Variants in RAB22A observed in about 807,000 individuals in gnomAD.
RAB22A encodes the protein ras-related protein Rab-22A.
In RAB22A, 13 loss-of-function variants were observed where a neutral mutation model predicts 30.2. The observed-to-expected ratio is 0.43, with a 90% CI of 0.28 to 0.68. The LOEUF (loss-of-function observed/expected upper bound fraction) is 0.68. Among genes scored for constraint, RAB22A ranks in the 30% least tolerant of loss-of-function variants. RAB22A has a pLI of 0.18. For missense variants in RAB22A, 177 were observed against 246.8 expected, an observed-to-expected ratio of 0.72 and a Z score of 1.89; for synonymous variants, 89 against 87.2, an observed-to-expected ratio of 1.02 and a Z score of -0.11.
intron 2 of RAB22A, among the ~76,000 whole-genome samples, chr20:58,315,338 A>T (rs914806253): frequency 6.6e-6 from 1 of 151,910 alleles, no homozygotes; most frequent in African/African-American, 2.4e-5. Flanking sequence ...CCTCCAACCC[A>T]TGATTTGCAC....
intron 2 of RAB22A, among the ~76,000 whole-genome samples, chr20:58,325,612 C>T (rs1450889932): frequency 6.6e-6 from 1 of 152,128 alleles, no homozygotes; most frequent in Non-Finnish European, 1.5e-5. Flanking sequence ...AATGCCTTTT[C>T]TATGTATGTC....
chr20:58,331,440 A>G (rs1986658608), intron 2 of RAB22A, among the ~76,000 whole-genome samples: 1 of 152,242 alleles, frequency 6.6e-6, no homozygotes, highest in African/African-American at 2.4e-5. Context: ...TCCTCAGCCC[A>G]CAATAGACGC....
chr20:58,355,549 G>A lies in RAB22A; in HGVS notation c.487+1284G>A, dbSNP rs539217018. On this transcript the variant is annotated intron_variant, in intron 6 of 6. Coordinates refer to ENST00000244040, the MANE Select transcript of RAB22A (RefSeq NM_020673.3). ...AAACGTCATGATGTGCCCGGGCATGGTGGTTGTCACCTATAATCCCAGCTA... is the reference window on the plus strand; with the variant it reads ...AAACGTCATGATGTGCCCGGGCATGATGGTTGTCACCTATAATCCCAGCTA... Among the ~76,000 whole-genome samples, 3 of 152,282 alleles carry A rather than the reference G, an allele frequency of 2.0e-5. No homozygotes were observed. The East Asian group carries it at 5.8e-4, about 29-fold the overall frequency.
chr20:58,353,021 C>G (rs1987078317), intron 3 of RAB22A, among the ~76,000 whole-genome samples: 1 of 152,156 alleles, frequency 6.6e-6, no homozygotes, highest in South Asian at 2.1e-4. Context: ...TTAGCTGAAA[C>G]AATTGTTTAT....
At chr20:58,326,243 T>C (rs575974250) in intron 2 of RAB22A, among the ~76,000 whole-genome samples, 1 of 152,266 alleles carries the variant, frequency 6.6e-6, no homozygotes, top group South Asian at 2.1e-4. Flanking sequence ...ATAAGTACCA[T>C]CCACCTTAAT....
At chr20:58,354,313 C>A in intron 6 of RAB22A, 48 bp downstream of exon 6, 1 of 1,285,750 alleles carries the variant, frequency 7.8e-7, no homozygotes, top group South Asian at 1.3e-5. Flanking sequence ...AGCCGCTTAA[C>A]ACAGAATGAT....
intron 3 of RAB22A, among the ~76,000 whole-genome samples, chr20:58,344,786 A>C (rs1986917990): frequency 6.6e-6 from 1 of 152,212 alleles, no homozygotes; most frequent in African/African-American, 2.4e-5. Flanking sequence ...AAAACAAAAC[A>C]AGCCATTACT....
intron 3 of RAB22A, among the ~76,000 whole-genome samples, chr20:58,351,335 C>CA (rs562839081): frequency 0.016 from 1,532 of 97,626 alleles, 26 homozygotes; most frequent in African/African-American, 0.052. Context: ...GACTCTGTCT[C>CA]AAAAAAAAAA....
In RAB22A at chr20:58,353,463, AAG is replaced by A; in HGVS notation, c.305_306del (p.Glu102AlafsTer8). On this transcript the variant is annotated frameshift_variant, in exon 5 of 7. Transcript: ENST00000244040. LOFTEE classifies it high-confidence loss of function. ...TTTTCAACATTAAAGAATTGGGTGA[AAG>A]AGCTTCGACAGCATGGCCCACCTAA... 1 of 1,613,644 alleles carries A rather than the reference AAG, an allele frequency of 6.2e-7. No individual in the cohort carries two copies. Among genetic ancestry groups the A allele is most frequent in the Non-Finnish European group, 8.5e-7 (1 of 1,179,538 alleles).
intron 2 of RAB22A, among the ~76,000 whole-genome samples, chr20:58,314,450 C>A (rs574239953): frequency 2.0e-4 from 31 of 152,136 alleles, no homozygotes; most frequent in Non-Finnish European, 4.3e-4. Context: ...CTGACCTGGG[C>A]CTGTGGGGAT....
At chr20:58,359,397 G>C (rs1250243146) in intron 6 of RAB22A, among the ~76,000 whole-genome samples, 1 of 152,014 alleles carries the variant, frequency 6.6e-6, no homozygotes, top group African/African-American at 2.4e-5. Flanking sequence ...TAATATGTCA[G>C]CACTGGGGGA....
intron 2 of RAB22A, among the ~76,000 whole-genome samples, chr20:58,314,833 TC>T (rs1233881801): frequency 1.3e-5 from 2 of 150,844 alleles, no homozygotes; most frequent in African/African-American, 4.9e-5. Flanking sequence ...AGAGCAAGAC[TC>T]CATCTCAAAA....
At chr20:58,310,878 TTACTC>T (rs1421045503) in intron 1 of RAB22A, among the ~76,000 whole-genome samples, 160 bp from the exon 2 acceptor site, 2 of 152,240 alleles carry the variant, frequency 1.3e-5, no homozygotes, top group Admixed American at 6.5e-5. Context: ...AATTTCCTAA[TTACTC>T]TACTGAATTT....
chr20:58,319,225 A>T (rs2058869439), intron 2 of RAB22A, among the ~76,000 whole-genome samples: 1 of 152,224 alleles, frequency 6.6e-6, no homozygotes, highest in Non-Finnish European at 1.5e-5. Flanking sequence ...ATAAGGCTAT[A>T]AAAGTTCTAG....
At chr20:58,349,438 A>AC (rs1298319364) in intron 3 of RAB22A, among the ~76,000 whole-genome samples, 4 of 152,104 alleles carry the variant, frequency 2.6e-5, no homozygotes, top group Admixed American at 1.3e-4. Context: ...ACAAGGAGGG[A>AC]CCCCCTAAAA....
intron 6 of RAB22A, among the ~76,000 whole-genome samples, chr20:58,357,069 T>C (rs1375855071): frequency 1.3e-5 from 2 of 152,246 alleles, no homozygotes; most frequent in Non-Finnish European, 2.9e-5. Flanking sequence ...TGAGTATGCA[T>C]GCATTCAGTA....
intron 3 of RAB22A, among the ~76,000 whole-genome samples, chr20:58,352,853 A>T (rs1307307431): frequency 6.6e-6 from 1 of 152,248 alleles, no homozygotes; most frequent in Non-Finnish European, 1.5e-5. Flanking sequence ...TTCAGATTAC[A>T]GGGTTTTCTT....
intron 6 of RAB22A, among the ~76,000 whole-genome samples, chr20:58,355,337 G>A (rs1987113701): frequency 1.3e-5 from 2 of 152,204 alleles, no homozygotes; most frequent in South Asian, 4.1e-4. Flanking sequence ...GGCCACACTG[G>A]AATGTGGGCC....
intron 2 of RAB22A, among the ~76,000 whole-genome samples, chr20:58,311,596 AGTTCTCTG>A (rs1035258013): frequency 8.5e-5 from 13 of 152,312 alleles, no homozygotes; most frequent in Admixed American, 8.5e-4. Flanking sequence ...AGGTTTTTTC[AGTTCTCTG>A]GTTCTATGGA....
Sources: allele counts gnomAD v4.1 joint callset (sites outside exome capture counted in the v4.1 genomes callset), GRCh38; gene constraint gnomAD v4.1.1; transcripts MANE v1.5; gene names NCBI Gene and HGNC (gene_info 2026-07-23, HGNC 2026-07-21).